Variants in PRKCB observed in about 807,000 individuals in gnomAD.
The protein encoded by PRKCB is protein kinase C beta type.
A neutral mutation model predicts 81.5 loss-of-function variants in PRKCB; 13 were observed. The ratio of observed to expected loss-of-function variants is 0.16; its 90% CI spans 0.10 to 0.25. The LOEUF is 0.25. Among genes scored for constraint, PRKCB ranks in the 10% least tolerant of loss-of-function variants. The probability of loss-of-function intolerance (pLI) is 1.00; values close to 1 mark genes in which losing one functional copy is unlikely to be tolerated. For missense variants in PRKCB, 509 were observed against 875.7 expected, an observed-to-expected ratio of 0.58 and a Z score of 5.29; for synonymous variants, 335 against 321.4, an observed-to-expected ratio of 1.04 and a Z score of -0.45.
intron 5 of PRKCB, among the ~76,000 whole-genome samples, chr16:24,040,418 T>C (rs1965684241): frequency 6.6e-6 from 1 of 152,216 alleles, no homozygotes; most frequent in Non-Finnish European, 1.5e-5. Context: ...TCGATCTCGG[T>C]TCATTTTTAC....
In PRKCB at chr16:23,957,907, C is replaced by T. The variant is rs1167162183; in HGVS notation, c.206-30601C>T. 2.6e-5 allele frequency among the ~76,000 whole-genome samples: 4 copies of T among 152,318 alleles called. 1 individual carries two copies. The highest frequency in any genetic ancestry group is 2.9e-5 in the Non-Finnish European group (2 of 68,014). On this transcript the variant is annotated intron_variant, in intron 2 of 16. Transcript: ENST00000643927. Reference sequence around the variant, plus strand: ...ACACAGCTCTATATCTCAGTTTCCTCATCTGAAAAACAGTCATGAAATGGC... The same window carrying T: ...ACACAGCTCTATATCTCAGTTTCCTTATCTGAAAAACAGTCATGAAATGGC...
chr16:23,934,684 C>T (rs1426706331), intron 2 of PRKCB, among the ~76,000 whole-genome samples: 2 of 152,080 alleles, frequency 1.3e-5, no homozygotes, highest in Non-Finnish European at 2.9e-5. Context: ...TATACGTGCG[C>T]CTAATCCCTT....
At chr16:24,154,106 A>T (rs1488142803) in intron 9 of PRKCB, among the ~76,000 whole-genome samples, 1 of 152,206 alleles carries the variant, frequency 6.6e-6, no homozygotes, top group Non-Finnish European at 1.5e-5. Flanking sequence ...CTGGGCATTG[A>T]CACATTGCCT....
At chr16:24,069,933 T>C (rs1414185426) in intron 5 of PRKCB, among the ~76,000 whole-genome samples, 1 of 152,154 alleles carries the variant, frequency 6.6e-6, no homozygotes, top group African/African-American at 2.4e-5. Context: ...TCATGGCCAT[T>C]CCTTCCTTCC....
intron 5 of PRKCB, among the ~76,000 whole-genome samples, chr16:24,074,556 A>G (rs1966154962): frequency 1.3e-5 from 2 of 152,238 alleles, no homozygotes; most frequent in Admixed American, 1.3e-4. Flanking sequence ...TCTATTTTCT[A>G]TCATATTTTG....
Position 23,941,252 on chromosome 16 carries a change from G to A in PRKCB, c.206-47256G>A, listed in dbSNP as rs942133849. Among the ~76,000 whole-genome samples the A allele has an allele frequency of 5.3e-5, 8 of 152,306 alleles. No homozygotes were observed. In the South Asian group the frequency reaches 1.7e-3, roughly 32 times the overall value. The stretch of plus-strand genomic sequence containing the variant: ...AAAACAGGTGGCAGGCCTGCAGGCT[G>A]TAGTTTACTGGCCTCTAGTCTAAAC... On this transcript the variant is annotated intron_variant, in intron 2 of 16. Transcript: ENST00000643927.
chr16:23,868,269 A>G (rs8051066), intron 2 of PRKCB, among the ~76,000 whole-genome samples: 1,967 of 152,336 alleles, frequency 0.013, 38 homozygotes, highest in African/African-American at 0.044. Context: ...GGAGCAGTGC[A>G]CTGACCCGTT....
At chr16:24,208,554 CCCATT>C (rs1968083537) in intron 16 of PRKCB, 1 of 152,190 alleles carries the variant, frequency 6.6e-6, no homozygotes, top group Non-Finnish European at 1.5e-5. Flanking sequence ...GTTTCTGGCC[CCCATT>C]CCTGTTCCAG....
chr16:24,204,047 C>T (rs928891733), intron 16 of PRKCB, among the ~76,000 whole-genome samples: 4 of 151,888 alleles, frequency 2.6e-5, no homozygotes, highest in African/African-American at 2.4e-5. Flanking sequence ...TTTGGCAGAG[C>T]GTACAGGACC....
intron 2 of PRKCB, chr16:23,963,081 C>CGTTTTATG (rs1348327203): frequency 2.0e-5 from 3 of 152,184 alleles, no homozygotes; most frequent in Non-Finnish European, 4.4e-5. Flanking sequence ...TATTTCGTTC[C>CGTTTTATG]GTTTTATGGC....
chr16:23,841,808 A>G (rs1272653654), intron 2 of PRKCB, among the ~76,000 whole-genome samples: 2 of 151,630 alleles, frequency 1.3e-5, no homozygotes, highest in East Asian at 1.9e-4. Context: ...GGCACGTGCC[A>G]CCATGCCCGG....
At chr16:23,918,243 G>T (rs1433131961) in intron 2 of PRKCB, among the ~76,000 whole-genome samples, 3 of 152,056 alleles carry the variant, frequency 2.0e-5, no homozygotes, top group Non-Finnish European at 4.4e-5. Flanking sequence ...GTTTCTATGG[G>T]AAGACATAGG....
intron 5 of PRKCB, among the ~76,000 whole-genome samples, chr16:24,091,083 G>T (rs771232164): frequency 6.6e-6 from 1 of 151,724 alleles, no homozygotes; most frequent in Non-Finnish European, 1.5e-5. Context: ...TATGGAACAC[G>T]AGAAAAAAAA....
At chr16:24,060,825 C>T (rs1201844016) in intron 5 of PRKCB, among the ~76,000 whole-genome samples, 1 of 152,208 alleles carries the variant, frequency 6.6e-6, no homozygotes, top group African/African-American at 2.4e-5. Context: ...TTCAGTTTCT[C>T]GATTTCATCC....
At chr16:24,144,499 C>T (rs1966959247) in intron 9 of PRKCB, among the ~76,000 whole-genome samples, 1 of 152,184 alleles carries the variant, frequency 6.6e-6, no homozygotes, top group Non-Finnish European at 1.5e-5. Context: ...CAGGGTTTCA[C>T]CATGTTGGCC....
At chr16:24,115,334 T>C (rs1320871765) in intron 8 of PRKCB, among the ~76,000 whole-genome samples, 1 of 143,816 alleles carries the variant, frequency 7.0e-6, no homozygotes, top group Non-Finnish European at 1.6e-5. Flanking sequence ...CCAATGATTT[T>C]AGCATTTATC....
chr16:24,152,628 C>T (rs1022574862), intron 9 of PRKCB, among the ~76,000 whole-genome samples: 4 of 152,216 alleles, frequency 2.6e-5, no homozygotes, highest in Admixed American at 2.6e-4. Context: ...CAGGAAGTCC[C>T]TGTCTCCACC....
intron 3 of PRKCB, among the ~76,000 whole-genome samples, chr16:24,029,165 A>C (rs1965520372): frequency 6.6e-6 from 1 of 152,168 alleles, no homozygotes; most frequent in Non-Finnish European, 1.5e-5. Context: ...TTTCTTCACT[A>C]ACACTTGGTA....
intron 5 of PRKCB, among the ~76,000 whole-genome samples, chr16:24,078,282 C>A (rs1285285796): frequency 6.6e-6 from 1 of 152,246 alleles, no homozygotes; most frequent in East Asian, 1.9e-4. Context: ...ATGCTTCATG[C>A]TGCATTTACT....
Sources: gnomAD v4.1 joint callset for allele counts (sites outside exome capture counted in the v4.1 genomes callset) on GRCh38, gnomAD v4.1.1 for gene constraint, MANE v1.5 for transcripts, NCBI Gene and HGNC (gene_info 2026-07-23, HGNC 2026-07-21) for gene names.